PRKN: variants seen among roughly 807,000 people sequenced by gnomAD.
PRKN encodes the protein E3 ubiquitin-protein ligase parkin.
A neutral mutation model predicts 59.5 loss-of-function variants in PRKN; 56 were observed. The observed-to-expected ratio is 0.94, with a 90% CI of 0.76 to 1.18. PRKN has a LOEUF of 1.18. Ranked by LOEUF, PRKN falls within the 50% of genes most tolerant of loss-of-function variation. The pLI, the probability that PRKN is intolerant of heterozygous loss-of-function variation, is 0.00. For synonymous variants in PRKN, 250 were observed against 222.1 expected, an observed-to-expected ratio of 1.13 and a Z score of -1.12; for missense variants, 657 against 596.4, an observed-to-expected ratio of 1.10 and a Z score of -1.06.
intron 9 of PRKN, among the ~76,000 whole-genome samples, chr6:161,398,588 G>A (rs139993420): frequency 6.6e-6 from 1 of 152,300 alleles, no homozygotes; most frequent in East Asian, 1.9e-4. Context: ...CATTGCTGGA[G>A]CCTGCAAAGA....
chr6:162,563,637 T>C (rs1779943932), intron 1 of PRKN, among the ~76,000 whole-genome samples: 1 of 152,046 alleles, frequency 6.6e-6, no homozygotes, highest in Admixed American at 6.6e-5. Flanking sequence ...ATCAACACCA[T>C]CCAGGAAAAC....
chr6:161,505,510 G>A lies in PRKN; in HGVS notation c.1083+43344C>T, dbSNP rs558538722. ...CTCTGATGGTAGTTTCTTTTGCTGT[G>A]CAGAAGCTGTTTAGTTTAATGAGAT... On this transcript the variant is annotated intron_variant, in intron 9 of 11. Coordinates refer to ENST00000366898, the MANE Select transcript of PRKN (RefSeq NM_004562.3). Among the ~76,000 whole-genome samples, 379 of 152,160 alleles carry A rather than the reference G, an allele frequency of 2.5e-3. 3 individuals are homozygous for A. Among genetic ancestry groups the A allele is most frequent in the African/African-American group, 8.5e-3 (354 of 41,476 alleles).
chr6:162,247,288 T>C (rs1779241070), intron 3 of PRKN, among the ~76,000 whole-genome samples: 1 of 152,064 alleles, frequency 6.6e-6, no homozygotes, highest in Non-Finnish European at 1.5e-5. Context: ...TTATCCAAAG[T>C]AATGGGATGA....
In PRKN at chr6:162,372,768, T is replaced by C. The variant is rs113494997; in HGVS notation, c.171+70542A>G. 8.2e-3 allele frequency among the ~76,000 whole-genome samples: 1,252 copies of C among 152,298 alleles called. 19 individuals carry two copies. Among genetic ancestry groups the C allele is most frequent in the African/African-American group, 0.028 (1,172 of 41,550 alleles). Reference sequence around the variant, plus strand: ...AAATAAATGAATAAATAAAATTTTTTAAAATACAGTTAAGAAGGGGACTTT... The same window carrying C: ...AAATAAATGAATAAATAAAATTTTTCAAAATACAGTTAAGAAGGGGACTTT... On this transcript the variant is annotated intron_variant, in intron 2 of 11. Coordinates refer to ENST00000366898, the MANE Select transcript of PRKN (RefSeq NM_004562.3).
At chr6:161,888,679 A>G (rs937237457) in intron 6 of PRKN, among the ~76,000 whole-genome samples, 5 of 152,172 alleles carry the variant, frequency 3.3e-5, no homozygotes, top group African/African-American at 9.7e-5. Flanking sequence ...CATAATCTTC[A>G]TAATCCTCCA....
At chr6:161,967,689 A>G (rs1353668518) in intron 6 of PRKN, among the ~76,000 whole-genome samples, 1 of 152,188 alleles carries the variant, frequency 6.6e-6, no homozygotes, top group Non-Finnish European at 1.5e-5. Flanking sequence ...ATCAAGGTCT[A>G]TTATTCCAGC....
chr6:161,744,751 C>CT, intron 7 of PRKN, among the ~76,000 whole-genome samples: 1 of 152,260 alleles, frequency 6.6e-6, no homozygotes, highest in South Asian at 2.1e-4. Context: ...TGTCAAGTGA[C>CT]TAAATGAAAC....
intron 4 of PRKN, among the ~76,000 whole-genome samples, chr6:162,063,871 A>G (rs2128288619): frequency 6.6e-6 from 1 of 152,336 alleles, no homozygotes; most frequent in East Asian, 1.9e-4. Flanking sequence ...CGTTAAACAT[A>G]TAGTTAAACT....
chr6:162,641,673 T>C (rs1267680663), intron 1 of PRKN, among the ~76,000 whole-genome samples: 1 of 152,226 alleles, frequency 6.6e-6, no homozygotes, highest in African/African-American at 2.4e-5. Flanking sequence ...GGCAGATTAC[T>C]CTGCAGGTAA....
intron 2 of PRKN, among the ~76,000 whole-genome samples, chr6:162,416,435 CT>C (rs1319569293): frequency 6.6e-6 from 1 of 152,190 alleles, no homozygotes; most frequent in African/African-American, 2.4e-5. Context: ...AACTATGTTT[CT>C]GGAGGTAGGA....
chr6:162,399,637 T>G (rs1787657519), intron 2 of PRKN, among the ~76,000 whole-genome samples: 2 of 152,090 alleles, frequency 1.3e-5, no homozygotes, highest in African/African-American at 4.8e-5. Flanking sequence ...AGAAAAATGT[T>G]GTTACTCAAC....
At chr6:162,486,472 G>C (rs1028856949) in intron 1 of PRKN, among the ~76,000 whole-genome samples, 6 of 152,122 alleles carry the variant, frequency 3.9e-5, no homozygotes, top group Admixed American at 3.9e-4. Flanking sequence ...CATTCCAGTT[G>C]TCTCTGTTTT....
At chr6:162,096,477 A>G (rs953906107) in intron 4 of PRKN, among the ~76,000 whole-genome samples, 4 of 152,168 alleles carry the variant, frequency 2.6e-5, no homozygotes, top group African/African-American at 9.6e-5. Flanking sequence ...ATAGCTGGTG[A>G]TATGGTTTGG....
At chr6:161,514,072 T>G (rs571298737) in intron 9 of PRKN, among the ~76,000 whole-genome samples, 2 of 151,744 alleles carry the variant, frequency 1.3e-5, no homozygotes, top group Non-Finnish European at 2.9e-5. Context: ...CTTTGTAACC[T>G]TATTATCTAG....
At position 162,141,404 on chromosome 6, in the gene PRKN, CAAGTT is replaced by C. The variant is rs1781775382; in HGVS notation, c.534+59722_534+59726del. ...TATTTTTCAATGGGTTTTGATAAAC[CAAGTT>C]AAATATATTTGGAATACTTCAACTG... On this transcript the variant is annotated intron_variant, in intron 4 of 11. Coordinates refer to ENST00000366898, the MANE Select transcript of PRKN (RefSeq NM_004562.3). Among the ~76,000 whole-genome samples, 3 of 151,912 alleles carry C rather than the reference CAAGTT, an allele frequency of 2.0e-5. No individual in the cohort carries two copies. In the South Asian group the frequency reaches 6.2e-4, roughly 31 times the overall value.
rs1332441061 is a variant in PRKN at position 161,347,494 on chromosome 6, A to G, written c.*2605T>C. On this transcript the variant is annotated 3_prime_UTR_variant, in exon 12 of 12. Coordinates refer to ENST00000366898, the MANE Select transcript of PRKN (RefSeq NM_004562.3). ...ATCTCAACACACTTCAGAGAAAAAC[A>G]GACTTTTTCTGCAAAGACTTTATTT... is the stretch of plus-strand genomic sequence containing the variant. 1 of 152,190 alleles carries G rather than the reference A, an allele frequency of 6.6e-6. No individual in the cohort carries two copies. Among genetic ancestry groups the G allele is most frequent in the Admixed American group, 6.5e-5 (1 of 15,280 alleles). The allele number at this position is 152,190 out of a possible 1,614,324, so 9.4% of individuals were successfully genotyped here.
chr6:162,247,870 G>C lies in PRKN; in HGVS notation c.412+14655C>G, dbSNP rs1000211384. On this transcript the variant is annotated intron_variant, in intron 3 of 11. Coordinates refer to ENST00000366898, the MANE Select transcript of PRKN (RefSeq NM_004562.3). ...ATTATTTTTGAACACTTGTTAATTTGATTAAATCGATAATTAAAGGCACCT... is the reference window on the plus strand; with the variant it reads ...ATTATTTTTGAACACTTGTTAATTTCATTAAATCGATAATTAAAGGCACCT... 4.6e-5 allele frequency among the ~76,000 whole-genome samples: 7 copies of C among 152,058 alleles called. 1 individual carries two copies. The highest frequency in any genetic ancestry group is 1.7e-4 in the African/African-American group (7 of 41,414).
intron 2 of PRKN, among the ~76,000 whole-genome samples, chr6:162,322,437 A>C (rs1783071576): frequency 6.6e-6 from 1 of 152,134 alleles, no homozygotes; most frequent in African/African-American, 2.4e-5. Flanking sequence ...TGACAAGCTA[A>C]TTCTAAGATT....
At chr6:161,889,142 T>C (rs866348481) in intron 6 of PRKN, among the ~76,000 whole-genome samples, 1 of 151,814 alleles carries the variant, frequency 6.6e-6, no homozygotes, top group Non-Finnish European at 1.5e-5. Flanking sequence ...TATTCCAAGG[T>C]AAAAAGACGA....
Sources: allele counts gnomAD v4.1 joint callset (sites outside exome capture counted in the v4.1 genomes callset), GRCh38; gene constraint gnomAD v4.1.1; transcripts MANE v1.5; gene names NCBI Gene and HGNC (gene_info 2026-07-23, HGNC 2026-07-21).